Variants in PXK observed in about 807,000 individuals in gnomAD.
PXK encodes PX domain-containing protein kinase-like protein.
PXK carries 35 observed loss-of-function variants against 84.7 expected under a neutral mutation model. That is an observed-to-expected ratio of 0.41 (90% CI 0.32 to 0.55). The LOEUF is 0.55. Ranked by LOEUF, PXK falls within the 20% of genes least tolerant of loss-of-function variation. The pLI is 0.21. For missense variants in PXK, 634 were observed against 699.7 expected, an observed-to-expected ratio of 0.91 and a Z score of 1.06; for synonymous variants, 253 against 260.8, an observed-to-expected ratio of 0.97 and a Z score of 0.29.
intron 1 of PXK, among the ~76,000 whole-genome samples, chr3:58,346,718 C>CAT (rs2097827004): frequency 2.6e-5 from 4 of 150,950 alleles, no homozygotes; most frequent in African/African-American, 9.8e-5. Flanking sequence ...AGTGCAGTAG[C>CAT]GTGATCTTGG....
chr3:58,412,524 T>G lies in PXK; in HGVS notation c.1466-377T>G, dbSNP rs2060353818. On this transcript the variant is annotated intron_variant, in intron 16 of 17. Transcript: ENST00000356151. This position sits in a 1 kb window ranked among gnomAD's most constrained non-coding sequence, Gnocchi z 6.2. Reference sequence around the variant, plus strand: ...TTTGGAAGCCCCCAGCAGGCTGCTCTGCACCTCTCTGTCTGCTGTACCACT... The same window carrying G: ...TTTGGAAGCCCCCAGCAGGCTGCTCGGCACCTCTCTGTCTGCTGTACCACT... Among the ~76,000 whole-genome samples, 1 of 152,192 alleles carries G rather than the reference T, an allele frequency of 6.6e-6. No individual in the cohort carries two copies. The highest frequency in any genetic ancestry group is 1.5e-5 in the Non-Finnish European group (1 of 68,026).
At chr3:58,334,737 G>A (rs1158356398) in intron 1 of PXK, among the ~76,000 whole-genome samples, 1 of 152,130 alleles carries the variant, frequency 6.6e-6, no homozygotes, top group Non-Finnish European at 1.5e-5. Flanking sequence ...TCACTTTTGA[G>A]TCTCATTCCC....
rs532511686 is a variant in PXK, at chr3:58,333,371, G to GGGGGGC, written c.102+294_102+299dup. 2,494 of 296,382 alleles carry GGGGGGC rather than the reference G, an allele frequency of 8.4e-3. 69 individuals are homozygous for GGGGGGC. Among genetic ancestry groups the GGGGGGC allele is most frequent in the African/African-American group, 0.052 (2,354 of 45,650 alleles). The allele number at this position is 296,382 out of a possible 1,614,324, so 18.4% of individuals were successfully genotyped here. On this transcript the variant is annotated intron_variant, in intron 1 of 17. Transcript: ENST00000356151. The surrounding 1 kb of genome is among the most constrained non-coding windows in gnomAD (Gnocchi z 5.4). ...GCGACCAGGAAAGCGACTCCGAGTT[G>GGGGGGC]GGGGGCGGGGGCGGGGGCTGCGGGA...
rs1182799078 is a variant in PXK, at chr3:58,404,513, T to TG, written c.1230+609dup. 2.6e-5 allele frequency among the ~76,000 whole-genome samples: 4 copies of TG among 152,254 alleles called. No individual in the cohort carries two copies. In the South Asian group the frequency reaches 6.2e-4, roughly 24 times the overall value. ...TCTCCAGACATTGCTAAATGTCTCC[T>TG]GGGGGGTAGTGTACAAAATTGCTCC... On this transcript the variant is annotated intron_variant, in intron 13 of 17. Transcript: ENST00000356151.
At chr3:58,346,585 G>T (rs968077196) in intron 1 of PXK, among the ~76,000 whole-genome samples, 1 of 152,148 alleles carries the variant, frequency 6.6e-6, no homozygotes, top group Non-Finnish European at 1.5e-5. Context: ...TGTCATAATA[G>T]ATGACATTGT....
chr3:58,416,528 A>T lies in PXK; in HGVS notation c.1528+3565A>T, dbSNP rs1267388700. Among the ~76,000 whole-genome samples the T allele has an allele frequency of 2.0e-5, 3 of 152,112 alleles. No homozygotes were observed. The highest frequency in any genetic ancestry group is 2.9e-5 in the Non-Finnish European group (2 of 68,012). On this transcript the variant is annotated intron_variant, in intron 17 of 17. Coordinates refer to ENST00000356151, the MANE Select transcript of PXK (RefSeq NM_017771.5). The surrounding 1 kb of genome is among the most constrained non-coding windows in gnomAD (Gnocchi z 4.8). ...TTCTTCTAGGGTATGGGGCGTGTGTAGGAGATGCTTGGCAAATCTTTGATT... is the reference window on the plus strand; with the variant it reads ...TTCTTCTAGGGTATGGGGCGTGTGTTGGAGATGCTTGGCAAATCTTTGATT...
rs1246680140 is a variant in PXK at position 58,411,554 on chromosome 3, A to G, written c.1466-1347A>G. Among the ~76,000 whole-genome samples, 1 of 152,158 alleles carries G rather than the reference A, an allele frequency of 6.6e-6. No homozygotes were observed. The highest frequency in any genetic ancestry group is 2.4e-5 in the African/African-American group (1 of 41,420). ...ACTGAGACTCATGATTCCAACCAGC[A>G]GTCATTCTGTCCAGTAGCTAATTTT... is the stretch of plus-strand genomic sequence containing the variant. On this transcript the variant is annotated intron_variant, in intron 16 of 17. Coordinates refer to ENST00000356151, the MANE Select transcript of PXK (RefSeq NM_017771.5). This position sits in a 1 kb window ranked among gnomAD's most constrained non-coding sequence, Gnocchi z 4.2.
intron 17 of PXK, chr3:58,422,737 C>T: frequency 2.0e-6 from 2 of 985,408 alleles, no homozygotes; most frequent in Non-Finnish European, 2.4e-6. Flanking sequence ...GCAGCCCCTA[C>T]CCCTCAGCCC....
At position 58,382,675 on chromosome 3, in the gene PXK, A is replaced by T; in HGVS notation, c.363A>T (p.Pro121=). Residue 121 remains proline, a synonymous_variant, in exon 4 of 18, where the codon CCA becomes CCT. Coordinates refer to ENST00000356151, the MANE Select transcript of PXK (RefSeq NM_017771.5). ...NCELVKKFLD[P]NNYSANYTEI... is the part of the protein sequence containing the mutation. ...AGCTGGTTAAGAAGTTTTTAGATCCAAACAACTATTCCGCAAACTATACTG... is the reference window on the plus strand; with the variant it reads ...AGCTGGTTAAGAAGTTTTTAGATCCTAACAACTATTCCGCAAACTATACTG... 6.3e-7 allele frequency: 1 copy of T among 1,580,650 alleles called. No homozygotes were observed. Among genetic ancestry groups the T allele is most frequent in the Non-Finnish European group, 8.6e-7 (1 of 1,169,324 alleles).
chr3:58,419,773 G>A (rs1331493674), intron 17 of PXK, among the ~76,000 whole-genome samples: 1 of 152,216 alleles, frequency 6.6e-6, no homozygotes, highest in Non-Finnish European at 1.5e-5. Flanking sequence ...AAAGGCTGTG[G>A]GGCAGAGTTG....
intron 2 of PXK, among the ~76,000 whole-genome samples, chr3:58,366,230 T>C (rs2098270173): frequency 6.6e-6 from 1 of 152,158 alleles, no homozygotes; most frequent in Non-Finnish European, 1.5e-5. Context: ...AATTCACACC[T>C]TCTCCCCTGT....
Position 58,407,325 on chromosome 3 carries a change from A to C in PXK, c.1231-1599A>C, listed in dbSNP as rs779331648. ...GACTAAAGACATTGAGTGTCTTTTC[A>C]TATGTTTTTTGGCCATTTGTATATT... is the stretch of plus-strand genomic sequence containing the variant. On this transcript the variant is annotated intron_variant, in intron 13 of 17. Coordinates refer to ENST00000356151, the MANE Select transcript of PXK (RefSeq NM_017771.5). The surrounding 1 kb of genome is among the most constrained non-coding windows in gnomAD (Gnocchi z 4.3). 1.3e-5 allele frequency among the ~76,000 whole-genome samples: 2 copies of C among 152,024 alleles called. No homozygotes were observed. The highest frequency in any genetic ancestry group is 2.4e-5 in the African/African-American group (1 of 41,400).
chr3:58,422,356 A>G (rs2062025279), intron 17 of PXK: 1 of 985,166 alleles, frequency 1.0e-6, no homozygotes, highest in Non-Finnish European at 1.2e-6. Flanking sequence ...TGGTTGTTGT[A>G]GGCCCAGTGA....
In PXK at chr3:58,333,169, C is replaced by G. The variant is rs925317917; in HGVS notation, c.102+79C>G. The G allele has an allele frequency of 1.4e-5, 12 of 853,600 alleles. No homozygotes were observed. The highest frequency in any genetic ancestry group is 1.2e-4 in the Admixed American group (2 of 17,024). The allele number at this position is 853,600 out of a possible 1,614,324, so 52.9% of individuals were successfully genotyped here. A position where few individuals can be genotyped will look rare whatever the true frequency, so the allele number is the denominator to read the frequency against. Reference sequence around the variant, plus strand: ...GGGCTGCGGGCTGCCTGGCGCGGGCCGGGCAGGGTCGTCGGACGGAGACCG... The same window carrying G: ...GGGCTGCGGGCTGCCTGGCGCGGGCGGGGCAGGGTCGTCGGACGGAGACCG... On this transcript the variant is annotated intron_variant, in intron 1 of 17. Coordinates refer to ENST00000356151, the MANE Select transcript of PXK (RefSeq NM_017771.5). The surrounding 1 kb of genome is among the most constrained non-coding windows in gnomAD (Gnocchi z 5.4).
At chr3:58,371,329 A>T (rs73835197) in intron 3 of PXK, among the ~76,000 whole-genome samples, 1 of 152,350 alleles carries the variant, frequency 6.6e-6, no homozygotes, top group African/African-American at 2.4e-5. Flanking sequence ...CATTGTAGAT[A>T]AGGTATCAAT....
chr3:58,386,814 C>T (rs1403500466), intron 4 of PXK, among the ~76,000 whole-genome samples: 1 of 152,176 alleles, frequency 6.6e-6, no homozygotes, highest in African/African-American at 2.4e-5. Context: ...ACCTATAAAA[C>T]AAGAGGCTGG....
rs965048299 is a variant in PXK at position 58,364,988 on chromosome 3, T to G, written c.103-886T>G. Among the ~76,000 whole-genome samples, 3 of 152,016 alleles carry G rather than the reference T, an allele frequency of 2.0e-5. No homozygotes were observed. Among genetic ancestry groups the G allele is most frequent in the African/African-American group, 7.2e-5 (3 of 41,414 alleles). ...AATAATCAGCTTTTTATTTCTTGAC[T>G]TTTCTCTATTTCTTTGTTTTCAATT... On this transcript the variant is annotated intron_variant, in intron 1 of 17. Transcript: ENST00000356151. The surrounding 1 kb of genome is among the most constrained non-coding windows in gnomAD (Gnocchi z 4.3).
chr3:58,410,165 T>C lies in PXK; in HGVS notation c.1465+6T>C, dbSNP rs955430254. 10 of 1,561,606 alleles carry C rather than the reference T, an allele frequency of 6.4e-6. No individual in the cohort carries two copies. The highest frequency in any genetic ancestry group is 8.8e-6 in the Non-Finnish European group (10 of 1,132,140). On this transcript the variant is annotated splice_donor_region_variant and intron_variant, in intron 16 of 17. Coordinates refer to ENST00000356151, the MANE Select transcript of PXK (RefSeq NM_017771.5). ...CAGCAACTCCAATAATTCAGGTAAC[T>C]GGTTATAGATGGTAGTGGGGCCCAG...
In PXK at chr3:58,400,408, A is replaced by G. The variant is rs1411627606; in HGVS notation, c.1181+1031A>G. 2.0e-5 allele frequency among the ~76,000 whole-genome samples: 3 copies of G among 152,180 alleles called. No individual in the cohort carries two copies. The East Asian group carries it at 5.8e-4, about 29-fold the overall frequency. On this transcript the variant is annotated intron_variant, in intron 12 of 17. Coordinates refer to ENST00000356151, the MANE Select transcript of PXK (RefSeq NM_017771.5). This position sits in a 1 kb window ranked among gnomAD's most constrained non-coding sequence, Gnocchi z 4.0. The stretch of plus-strand genomic sequence containing the variant: ...CGAGGCAGGGGACAGCTTGAAGGGC[A>G]TGTAGCCAGAGTTCAGAGAAGGTAG...
Sources: allele counts gnomAD v4.1 joint callset (sites outside exome capture counted in the v4.1 genomes callset), GRCh38; gene constraint gnomAD v4.1.1; non-coding constraint Gnocchi (gnomAD v3.1); transcripts MANE v1.5; gene names NCBI Gene and HGNC (gene_info 2026-07-23, HGNC 2026-07-21).